Variants in ANK2 observed in about 807,000 individuals in gnomAD.
ANK2 encodes ankyrin 2.
A neutral mutation model predicts 360.5 loss-of-function variants in ANK2; 83 were observed. The ratio of observed to expected loss-of-function variants is 0.23; its 90% CI spans 0.19 to 0.28. The LOEUF (loss-of-function observed/expected upper bound fraction) is 0.28, where lower values mean the gene tolerates loss of function less well. ANK2 is among the 10% of genes least tolerant of loss of function. ANK2 has a pLI of 1.00. For missense variants in ANK2, 4,201 were observed against 4,795.7 expected (o/e 0.88, Z 3.66); for synonymous variants, 1,740 against 1,759.5 (o/e 0.99, Z 0.28).
At chr4:113,271,148 A>T (rs1181796905) in intron 14 of ANK2, among the ~76,000 whole-genome samples, 3 of 152,198 alleles carry the variant, frequency 2.0e-5, no homozygotes, top group Non-Finnish European at 4.4e-5. Context: ...ATTATCTCCC[A>T]CTTCAAATGT....
At chr4:112,918,511 G>A (rs76454072) in intron 2 of ANK2, among the ~76,000 whole-genome samples, 6 of 152,196 alleles carry the variant, frequency 3.9e-5, no homozygotes, top group South Asian at 4.1e-4. Flanking sequence ...ATCCAAGTCC[G>A]GACACTAGTT....
chr4:113,341,325 C>A (rs2094275500), intron 32 of ANK2, among the ~76,000 whole-genome samples: 1 of 152,124 alleles, frequency 6.6e-6, no homozygotes, highest in South Asian at 2.1e-4. Context: ...TGTCTTATGT[C>A]TGCTATTGAG....
the ANK2 span, among the ~76,000 whole-genome samples, chr4:112,753,925 C>T: frequency 6.6e-6 from 1 of 151,758 alleles, no homozygotes; most frequent in Non-Finnish European, 1.5e-5. Context: ...TGGTGAAACC[C>T]TGTCTCTACT....
intron 1 of ANK2, chr4:112,827,631 C>G: frequency 1.2e-6 from 1 of 819,538 alleles, no homozygotes. Context: ...CATCCAGATC[C>G]TTGCAATTTA....
intron 34 of ANK2, 135 bp downstream of exon 34, chr4:113,343,277 C>A: frequency 2.1e-6 from 2 of 956,608 alleles, no homozygotes; most frequent in Non-Finnish European, 3.1e-6. Context: ...TAACGTTTTA[C>A]AGCCCTGGGA....
the ANK2 span, among the ~76,000 whole-genome samples, chr4:112,745,978 A>C: frequency 1.1e-4 from 17 of 151,768 alleles, no homozygotes; most frequent in Admixed American, 2.0e-4. Context: ...AGTTGTTTTA[A>C]ATCATTCTTG....
At chr4:113,256,832 G>A (rs1019164303) in intron 11 of ANK2, among the ~76,000 whole-genome samples, 19 of 152,266 alleles carry the variant, frequency 1.2e-4, no homozygotes, top group South Asian at 4.2e-4. Flanking sequence ...AATTACGTGG[G>A]AAGTGAATAT....
chr4:113,247,035 G>C (rs945255758), intron 9 of ANK2, among the ~76,000 whole-genome samples: 2 of 21,282 alleles, frequency 9.4e-5, no homozygotes, highest in African/African-American at 1.8e-4. Context: ...AAGCAGAGAG[G>C]GGGGAAGATA....
At chr4:113,319,115 A>G (rs1171902724) in intron 26 of ANK2, among the ~76,000 whole-genome samples, 4 of 152,332 alleles carry the variant, frequency 2.6e-5, no homozygotes, top group African/African-American at 9.6e-5. Context: ...GTAGGGATAT[A>G]AACAAAAAGG....
the ANK2 span, among the ~76,000 whole-genome samples, chr4:112,705,945 C>T: frequency 6.6e-6 from 1 of 151,276 alleles, no homozygotes; most frequent in East Asian, 2.0e-4. Context: ...ATGTAGGTGG[C>T]GCGGGAGGGA....
chr4:113,230,298 G>A (rs2099275617), intron 4 of ANK2, among the ~76,000 whole-genome samples: 2 of 152,046 alleles, frequency 1.3e-5, no homozygotes, highest in Non-Finnish European at 2.9e-5. Flanking sequence ...TTTGCTGGAT[G>A]TTGGCCATTT....
At chr4:113,123,304 A>G (rs907094210) in intron 1 of ANK2, among the ~76,000 whole-genome samples, 1 of 152,108 alleles carries the variant, frequency 6.6e-6, no homozygotes, top group African/African-American at 2.4e-5. Context: ...TATTTACACT[A>G]TATTTTGACA....
chr4:113,110,755 C>T (rs1278233751), intron 1 of ANK2, among the ~76,000 whole-genome samples: 5 of 152,034 alleles, frequency 3.3e-5, no homozygotes, highest in South Asian at 2.1e-4. Flanking sequence ...CTATATTTAT[C>T]GTAGTATCTG....
At position 113,354,051 on chromosome 4, in the gene ANK2, C is replaced by T; in HGVS notation, c.5433C>T (p.Pro1811=). The T allele has an allele frequency of 6.2e-7, 1 of 1,614,098 alleles. No homozygotes were observed. Among genetic ancestry groups the T allele is most frequent in the Non-Finnish European group, 8.5e-7 (1 of 1,179,988 alleles). ...TTHRPHPAAS[P]SLKSERHAPG... ...ACAGGCCACATCCAGCTGCGTCACC[C>T]TCTCTGAAGTCAGAGAGACATGCGC... is the stretch of plus-strand genomic sequence containing the variant. The change falls in exon 38 of 46, where the codon CCC becomes CCT. Residue 1811 remains proline (P), a synonymous_variant. Coordinates refer to ENST00000357077, the MANE Select transcript of ANK2 (RefSeq NM_001148.6).
intron 1 of ANK2, among the ~76,000 whole-genome samples, chr4:112,886,495 C>CT (rs2078397890): frequency 6.6e-6 from 1 of 151,948 alleles, no homozygotes; most frequent in Non-Finnish European, 1.5e-5. Context: ...AAACTCGTCT[C>CT]TATTAAAAAT....
chr4:113,144,039 TTC>T (rs143599265), intron 1 of ANK2, among the ~76,000 whole-genome samples: 2,516 of 152,318 alleles, frequency 0.017, 75 homozygotes, highest in African/African-American at 0.058. Context: ...AGGTTTAGAT[TTC>T]ATGTTCCTTT....
Position 113,332,051 on chromosome 4 carries a change from C to A in ANK2, c.3205C>A (p.Pro1069Thr). The change falls in exon 28 of 46, where the codon CCT (proline) becomes ACT (threonine). Residue 1069 changes from proline to threonine, a missense_variant. Physicochemically the swap from Pro to Thr is conservative, Grantham distance 38 (BLOSUM62 -1). Coordinates refer to ENST00000357077, the MANE Select transcript of ANK2 (RefSeq NM_001148.6). ...LVSRILQLGP[P>T]GTKFLGPVIV... ...CAGCCGCATTCTTCAGCTGGGGCCT[C>A]CTGGAACCAAATTCCTTGGGTAGGA... The A allele has an allele frequency of 6.2e-7, 1 of 1,614,074 alleles. No homozygotes were observed. Among genetic ancestry groups the A allele is most frequent in the Non-Finnish European group, 8.5e-7 (1 of 1,179,962 alleles).
At chr4:113,316,771 T>C (rs2083171752) in intron 24 of ANK2, among the ~76,000 whole-genome samples, 1 of 152,264 alleles carries the variant, frequency 6.6e-6, no homozygotes, top group African/African-American at 2.4e-5. Flanking sequence ...ATTGCATCTA[T>C]GCAAATGTCA....
chr4:113,181,206 T>C (rs34588824), intron 2 of ANK2, among the ~76,000 whole-genome samples: 76,460 of 152,008 alleles, frequency 0.5, 20,143 homozygotes, highest in African/African-American at 0.68. Context: ...AGTAGCTTCA[T>C]GCAAATTATT....
Sources: allele counts gnomAD v4.1 joint callset (sites outside exome capture counted in the v4.1 genomes callset), GRCh38; gene constraint gnomAD v4.1.1; transcripts MANE v1.5; gene names NCBI Gene and HGNC (gene_info 2026-07-23, HGNC 2026-07-21).